Variants in UBAC1 observed in about 807,000 individuals in gnomAD.
UBAC1 encodes UBA domain containing 1, also known as ubiquitin-associated domain-containing protein 1.
A neutral mutation model predicts 45.9 loss-of-function variants in UBAC1; 27 were observed. That is an observed-to-expected ratio of 0.59 (90% CI 0.43 to 0.81). The LOEUF is 0.81. Ranked by LOEUF, UBAC1 falls within the 30% of genes least tolerant of loss-of-function variation. The pLI is 0.00. For missense variants in UBAC1, 529 were observed against 539.2 expected, an observed-to-expected ratio of 0.98 and a Z score of 0.19; for synonymous variants, 227 against 215.5, an observed-to-expected ratio of 1.05 and a Z score of -0.47.
chr9:135,933,506 T>A lies in UBAC1; in HGVS notation c.1112A>T (p.Asp371Val), dbSNP rs373516461. 6.2e-7 allele frequency: 1 copy of A among 1,613,800 alleles called. No homozygotes were observed. Among genetic ancestry groups the A allele is most frequent in the Non-Finnish European group, 8.5e-7 (1 of 1,179,842 alleles). Residue 371 changes from aspartate to valine, a missense_variant, in exon 10 of 10, where the codon GAC becomes GTC. Coordinates refer to ENST00000371756, the MANE Select transcript of UBAC1 (RefSeq NM_016172.3). ...TNPKTLLAFE[D>V]MLENPLNSTQ... ...GCTGTTCAGTGGGTTCTCCAGCATG[T>A]CTTCAAATGCTGCAGGGAAAACAGA...
chr9:135,936,441 A>G (rs1021609568), intron 9 of UBAC1, among the ~76,000 whole-genome samples: 4 of 151,196 alleles, frequency 2.6e-5, no homozygotes, highest in East Asian at 1.9e-4. Flanking sequence ...ACATTTTTGG[A>G]AAAAAAAATA....
intron 1 of UBAC1, among the ~76,000 whole-genome samples, chr9:135,956,555 A>G (rs1839468894): frequency 6.6e-6 from 1 of 151,832 alleles, no homozygotes; most frequent in African/African-American, 2.4e-5. Flanking sequence ...TCTATTATCT[A>G]CCTCAGCACC....
intron 2 of UBAC1, among the ~76,000 whole-genome samples, chr9:135,954,228 T>C (rs1839440343): frequency 6.6e-6 from 1 of 151,266 alleles, no homozygotes; most frequent in African/African-American, 2.4e-5. Context: ...GGCGGATCAC[T>C]TGAGCCCAGG....
chr9:135,941,274 C>T (rs1322579759), intron 7 of UBAC1, among the ~76,000 whole-genome samples: 1 of 152,066 alleles, frequency 6.6e-6, no homozygotes, highest in Admixed American at 6.6e-5. Flanking sequence ...GGCGTGGTGG[C>T]GGGCACCTGT....
intron 9 of UBAC1, among the ~76,000 whole-genome samples, 186 bp downstream of exon 9, chr9:135,938,036 G>C (rs1194752130): frequency 6.6e-6 from 1 of 152,156 alleles, no homozygotes; most frequent in Non-Finnish European, 1.5e-5. Flanking sequence ...CCTGACCTGC[G>C]GGCCCCACAG....
intron 8 of UBAC1, 65 bp from the exon 9 acceptor site, chr9:135,938,425 C>A: frequency 1.3e-6 from 2 of 1,571,420 alleles, no homozygotes; most frequent in South Asian, 2.3e-5. Context: ...ACGCCACCAG[C>A]AGCAGGCATG....
intron 3 of UBAC1, among the ~76,000 whole-genome samples, chr9:135,952,451 G>A (rs988831734): frequency 6.6e-6 from 1 of 152,244 alleles, no homozygotes; most frequent in Non-Finnish European, 1.5e-5. Flanking sequence ...CCCTGCTGTG[G>A]GGTAGGACAC....
intron 1 of UBAC1, among the ~76,000 whole-genome samples, chr9:135,957,143 ACT>A (rs1839476419): frequency 6.6e-6 from 1 of 152,078 alleles, no homozygotes; most frequent in Non-Finnish European, 1.5e-5. Flanking sequence ...AATTTCTGTT[ACT>A]CTCAAGACTG....
intron 7 of UBAC1, among the ~76,000 whole-genome samples, chr9:135,944,362 C>T (rs545259629): frequency 6.6e-4 from 101 of 152,326 alleles, no homozygotes; most frequent in African/African-American, 2.3e-3. Flanking sequence ...CAATGTCACA[C>T]ACCCCAAGGA....
intron 4 of UBAC1, among the ~76,000 whole-genome samples, chr9:135,946,985 G>A (rs1367527858): frequency 1.3e-5 from 2 of 152,176 alleles, no homozygotes; most frequent in Non-Finnish European, 2.9e-5. Context: ...ACACATGCTG[G>A]CTGCTGGGGA....
At chr9:135,945,848 C>G (rs760332249) in intron 6 of UBAC1, 41 bp downstream of exon 6, 3 of 1,565,462 alleles carry the variant, frequency 1.9e-6, no homozygotes, top group Middle Eastern at 1.7e-4. Flanking sequence ...AACCAGGCCC[C>G]AGGTGTCTCC....
chr9:135,953,922 T>A (rs1839435990), intron 2 of UBAC1, 169 bp from the exon 3 acceptor site: 1 of 403,806 alleles, frequency 2.5e-6, no homozygotes, highest in Non-Finnish European at 4.5e-6. Flanking sequence ...GCAAATTACC[T>A]GAGGTCAGGT....
chr9:135,941,744 C>T (rs1219055123), intron 7 of UBAC1, among the ~76,000 whole-genome samples: 2 of 152,090 alleles, frequency 1.3e-5, no homozygotes, highest in Non-Finnish European at 2.9e-5. Flanking sequence ...CTTGCGCTCA[C>T]GGGCTGCAGG....
rs1317031462 is a variant in UBAC1 at position 135,960,526 on chromosome 9, G to A, written c.138+499C>T. ...GCCGGCTCTGCGGGAAAGGGGAAGA[G>A]GAAGGAGAAGGGGCCTCTTCATGAA... On this transcript the variant is annotated intron_variant, in intron 1 of 9. Coordinates refer to ENST00000371756, the MANE Select transcript of UBAC1 (RefSeq NM_016172.3). Among the ~76,000 whole-genome samples the A allele has an allele frequency of 6.6e-5, 10 of 152,264 alleles. No homozygotes were observed. The East Asian group carries it at 1.4e-3, about 21-fold the overall frequency.
At chr9:135,960,555 G>A (rs1490109922) in intron 1 of UBAC1, among the ~76,000 whole-genome samples, 1 of 151,418 alleles carries the variant, frequency 6.6e-6, no homozygotes, top group African/African-American at 2.4e-5. Flanking sequence ...TCATGAAGGA[G>A]CCTACGTTAA....
intron 1 of UBAC1, among the ~76,000 whole-genome samples, chr9:135,959,017 C>T (rs972084250): frequency 2.0e-5 from 3 of 152,194 alleles, no homozygotes; most frequent in Non-Finnish European, 4.4e-5. Flanking sequence ...AGCATTGCAT[C>T]GGAACTGGCT....
intron 9 of UBAC1, 22 bp from the exon 10 acceptor site, chr9:135,933,537 C>T (rs746152739): frequency 5.7e-6 from 9 of 1,586,656 alleles, no homozygotes; most frequent in Non-Finnish European, 7.8e-6. Flanking sequence ...ACAGAGCCAG[C>T]CTGAGTGCCC....
At chr9:135,937,437 T>C (rs1350698673) in intron 9 of UBAC1, among the ~76,000 whole-genome samples, 2 of 64,384 alleles carry the variant, frequency 3.1e-5, no homozygotes, top group Non-Finnish European at 6.4e-5. Context: ...CGAGACTCTG[T>C]CTCAAAAAAA....
intron 3 of UBAC1, 117 bp from the exon 4 acceptor site, chr9:135,948,022 G>C (rs1472265989): frequency 1.1e-6 from 1 of 918,052 alleles, no homozygotes. Flanking sequence ...AGGAGCCAGA[G>C]GTGTAAACTC....
Sources: allele counts gnomAD v4.1 joint callset (sites outside exome capture counted in the v4.1 genomes callset), GRCh38; gene constraint gnomAD v4.1.1; transcripts MANE v1.5; gene names NCBI Gene and HGNC (gene_info 2026-07-23, HGNC 2026-07-21).